MEN1: variants seen among roughly 807,000 people sequenced by gnomAD.
MEN1 encodes menin.
Under a neutral mutation model 58.0 loss-of-function variants are expected in MEN1, and 6 were observed. The observed-to-expected ratio is 0.10, with a 90% CI of 0.06 to 0.20. The LOEUF (loss-of-function observed/expected upper bound fraction) is 0.20. Among genes scored for constraint, MEN1 ranks in the 10% least tolerant of loss-of-function variants. The pLI is 1.00. For missense variants in MEN1, 492 were observed against 818.5 expected (o/e 0.60, Z 4.87); for synonymous variants, 346 against 350.7 (o/e 0.99, Z 0.15).
rs1214571397 is a variant in MEN1, at chr11:64,804,229, A to G, written c.*105T>C. On this transcript the variant is annotated 3_prime_UTR_variant, in exon 10 of 10. Coordinates refer to ENST00000450708, the MANE Select transcript of MEN1 (RefSeq NM_001370259.2). This position sits in a 1 kb window ranked among gnomAD's most constrained non-coding sequence, Gnocchi z 4.2. ...GACCGGGAACCTAGGGTTTGGGTAG[A>G]GGTGAGGCCTGTCCCCTTTGGGCTG... 2 of 1,465,980 alleles carry G rather than the reference A, an allele frequency of 1.4e-6. No individual in the cohort carries two copies. The highest frequency in any genetic ancestry group is 1.9e-6 in the Non-Finnish European group (2 of 1,051,680). 90.8% of individuals were successfully genotyped at this position (1,465,980 alleles called of 1,614,324 possible). A position where few individuals can be genotyped will look rare whatever the true frequency, so the allele number is the denominator to read the frequency against.
intron 1 of MEN1, 22 bp from the exon 2 acceptor site, chr11:64,810,154 GGAGGGTC>G: frequency 7.8e-7 from 1 of 1,288,484 alleles, no homozygotes; most frequent in Non-Finnish European, 1.1e-6. Flanking sequence ...GCCGGGGGAG[GGAGGGTC>G]GGGCAGGTTC....
At chr11:64,809,532 T>G in intron 2 of MEN1, 133 bp downstream of exon 2, 1 of 1,156,568 alleles carries the variant, frequency 8.6e-7, no homozygotes, top group Non-Finnish European at 1.2e-6. Context: ...GGGCTTCAGT[T>G]TCCCAACTGC....
Position 64,810,140 on chromosome 11 carries a change from G to C in MEN1, c.-23-8C>G. 2 of 507,844 alleles carry C rather than the reference G, an allele frequency of 3.9e-6. No individual in the cohort carries two copies. Among genetic ancestry groups the C allele is most frequent in the Non-Finnish European group, 7.1e-6 (2 of 281,798 alleles). 31.5% of individuals were successfully genotyped at this position (507,844 alleles called of 1,614,324 possible). A position where few individuals can be genotyped will look rare whatever the true frequency, so the allele number is the denominator to read the frequency against. On this transcript the variant is annotated splice_region_variant and splice_polypyrimidine_tract_variant and intron_variant, in intron 1 of 9. Transcript: ENST00000450708. ...CGGGCGGTGGGCGGCGGCCTGCAAGGCAAGCCGGGGGAGGGAGGGTCGGGC... is the reference window on the plus strand; with the variant it reads ...CGGGCGGTGGGCGGCGGCCTGCAAGCCAAGCCGGGGGAGGGAGGGTCGGGC...
At chr11:64,808,872 A>G (rs1941923155) in intron 2 of MEN1, among the ~76,000 whole-genome samples, 1 of 151,842 alleles carries the variant, frequency 6.6e-6, no homozygotes, top group African/African-American at 2.4e-5. Context: ...GGAGAATGGC[A>G]TGAAAGCAGG....
chr11:64,810,171 C>T, intron 1 of MEN1, 39 bp from the exon 2 acceptor site: 8 of 1,238,484 alleles, frequency 6.5e-6, no homozygotes, highest in Non-Finnish European at 5.6e-6. Flanking sequence ...CGGGCAGGTT[C>T]GGCCGGGGAG....
intron 8 of MEN1, 74 bp from the exon 9 acceptor site, chr11:64,805,272 C>A: frequency 6.5e-7 from 1 of 1,535,368 alleles, no homozygotes; most frequent in Non-Finnish European, 8.9e-7. Context: ...GCCAGGCCCC[C>A]CACCTAGGCA....
At chr11:64,808,543 C>T (rs1200659757) in intron 2 of MEN1, among the ~76,000 whole-genome samples, 2 of 152,214 alleles carry the variant, frequency 1.3e-5, no homozygotes, top group Admixed American at 1.3e-4. Flanking sequence ...CCTCTGATTC[C>T]TTCTCAATAT....
chr11:64,807,740 A>T lies in MEN1; in HGVS notation c.655-60T>A. The T allele has an allele frequency of 6.2e-7, 1 of 1,613,300 alleles. No homozygotes were observed. Among genetic ancestry groups the T allele is most frequent in the Non-Finnish European group, 8.5e-7 (1 of 1,179,634 alleles). On this transcript the variant is annotated intron_variant, in intron 3 of 9. Transcript: ENST00000450708. This position sits in a 1 kb window ranked among gnomAD's most constrained non-coding sequence, Gnocchi z 4.9. Reference sequence around the variant, plus strand: ...GGCCCACCCTGTGCCTGCTTCAGGGAATGACAGCCAGGAAAAGGGGCTCTT... The same window carrying T: ...GGCCCACCCTGTGCCTGCTTCAGGGTATGACAGCCAGGAAAAGGGGCTCTT...
Position 64,803,878 on chromosome 11 carries a change from G to A in MEN1, c.*456C>T, listed in dbSNP as rs1389958587. The A allele has an allele frequency of 3.9e-6, 1 of 256,372 alleles. No individual in the cohort carries two copies. The highest frequency in any genetic ancestry group is 7.7e-6 in the Non-Finnish European group (1 of 129,770). 15.9% of individuals were successfully genotyped at this position (256,372 alleles called of 1,614,324 possible). ...TTCGCAAGATATGGAATTCTGAAGT[G>A]CGGAAATATACTCCTAGGGGCTGAG... On this transcript the variant is annotated 3_prime_UTR_variant, in exon 10 of 10. Transcript: ENST00000450708.
chr11:64,807,488 C>T lies in MEN1; in HGVS notation c.783+64G>A, dbSNP rs1941811675. On this transcript the variant is annotated intron_variant, in intron 4 of 9. Coordinates refer to ENST00000450708, the MANE Select transcript of MEN1 (RefSeq NM_001370259.2). The surrounding 1 kb of genome is among the most constrained non-coding windows in gnomAD (Gnocchi z 4.9). ...GCTCAGGAAGGGAAAGTGCCCCTGC[C>T]CAGGGTCCCACAGCAAGTCAAGTCT... is the stretch of plus-strand genomic sequence containing the variant. 6.3e-7 allele frequency: 1 copy of T among 1,579,636 alleles called. No homozygotes were observed. The highest frequency in any genetic ancestry group is 8.7e-7 in the Non-Finnish European group (1 of 1,151,410).
At chr11:64,810,304 G>A (rs1011099497) in intron 1 of MEN1, 172 bp from the exon 2 acceptor site, 1 of 602,208 alleles carries the variant, frequency 1.7e-6, no homozygotes, top group Admixed American at 3.0e-5. Flanking sequence ...CCCCTCAGCC[G>A]AGACTGCAGA....
chr11:64,807,640 C>T lies in MEN1; in HGVS notation c.695G>A (p.Arg232His), dbSNP rs1941826992. Reference protein sequence around the residue: ...YLKGSYMRCDRKMEVAFMVCA... With the variant: ...YLKGSYMRCDHKMEVAFMVCA... Reference sequence around the variant, plus strand: ...CACCATGAACGCCACCTCCATCTTGCGGTCACAGCGCATGTATGATCCTTT... The same window carrying T: ...CACCATGAACGCCACCTCCATCTTGTGGTCACAGCGCATGTATGATCCTTT... The change falls in exon 4 of 10, where the codon CGC (arginine) becomes CAC (histidine). Residue 232 changes from arginine (R) to histidine (H), a missense_variant. Arg to His is a conservative substitution (Grantham distance 29, BLOSUM62 0). This residue lies in a region of MEN1 where 335 missense variants were observed against 550.3 expected (regional missense o/e 0.61). Coordinates refer to ENST00000450708, the MANE Select transcript of MEN1 (RefSeq NM_001370259.2). The surrounding 1 kb of genome is among the most constrained non-coding windows in gnomAD (Gnocchi z 4.9). The T allele has an allele frequency of 1.9e-6, 3 of 1,614,158 alleles. No homozygotes were observed. Among genetic ancestry groups the T allele is most frequent in the Middle Eastern group, 1.6e-4 (1 of 6,062 alleles).
rs1565637104 is a variant in MEN1, at chr11:64,804,620, C to T, written c.1547G>A (p.Arg516Gln). ...GCCAGCGACAGTCCCAGGAGGCTTC[C>T]GGGGGGGTCCTGACACTGCACCCTG... ...TGQGAVSGPP[R>Q]KPPGTVAGTA... The change falls in exon 10 of 10, where the codon CGG becomes CAG. Residue 516 changes from arginine to glutamine, a missense_variant. Transcript: ENST00000450708. The surrounding 1 kb of genome is among the most constrained non-coding windows in gnomAD (Gnocchi z 4.2). 2.5e-6 allele frequency: 4 copies of T among 1,607,794 alleles called. No homozygotes were observed. The highest frequency in any genetic ancestry group is 2.2e-5 in the East Asian group (1 of 44,792).
intron 1 of MEN1, 47 bp from the exon 2 acceptor site, chr11:64,810,179 G>A (rs997971815): frequency 3.5e-5 from 43 of 1,226,980 alleles, no homozygotes; most frequent in Admixed American, 3.1e-4. Context: ...TTCGGCCGGG[G>A]AGCCTCCTCC....
In MEN1 at chr11:64,805,102, G is replaced by C; in HGVS notation, c.1282C>G (p.Pro428Ala). 1 of 1,614,160 alleles carries C rather than the reference G, an allele frequency of 6.2e-7. No homozygotes were observed. The highest frequency in any genetic ancestry group is 8.5e-7 in the Non-Finnish European group (1 of 1,180,018). ...CAGCCCACATGCAGCACAGGCGTGG[G>C]ACTGCCCTCCTCCCATTTGCAGATG... ...DGICKWEEGS[P>A]TPVLHVGWAT... is the part of the protein sequence containing the mutation. The change falls in exon 9 of 10, where the codon CCC becomes GCC. Residue 428 changes from proline (P) to alanine (A), a missense_variant. Pro to Ala is a conservative substitution (Grantham distance 27, BLOSUM62 -1). This residue lies in a region of MEN1 where 9 missense variants were observed against 46.4 expected (regional missense o/e 0.19). Coordinates refer to ENST00000450708, the MANE Select transcript of MEN1 (RefSeq NM_001370259.2).
rs1053792293 is a variant in MEN1 at position 64,807,783 on chromosome 11, G to A, written c.655-103C>T. The A allele has an allele frequency of 1.2e-6, 2 of 1,606,368 alleles. No homozygotes were observed. Among genetic ancestry groups the A allele is most frequent in the Non-Finnish European group, 1.7e-6 (2 of 1,174,030 alleles). On this transcript the variant is annotated intron_variant, in intron 3 of 9. Transcript: ENST00000450708. The surrounding 1 kb of genome is among the most constrained non-coding windows in gnomAD (Gnocchi z 4.9). ...GGGCTCTTCTGTCTTCCCTTCCTAT[G>A]TGGGTGGTGATGGGAAGAAAGGGGT...
At chr11:64,810,176 GGGGAGCCTCCTCCCAGGGTCC>G (rs1285404174) in intron 1 of MEN1, 44 bp from the exon 2 acceptor site, 1 of 1,232,218 alleles carries the variant, frequency 8.1e-7, no homozygotes, top group Non-Finnish European at 1.1e-6. Context: ...AGGTTCGGCC[GGGGAGCCTCCTCCCAGGGTCC>G]GCTAAGGTTC....
rs747851909 is a variant in MEN1, at chr11:64,806,338, C to A, written c.943G>T (p.Asp315Tyr). The change falls in exon 7 of 10, where the codon GAT becomes TAT. Residue 315 changes from aspartate (D) to tyrosine (Y), a missense_variant. Asp to Tyr is a radical substitution (Grantham distance 160). Around this residue, in one of 5 missense-constraint regions of MEN1, gnomAD observed 335 missense variants for 550.3 expected, o/e 0.61. Transcript: ENST00000450708. Reference protein sequence around the residue: ...GIASAKTYYRDEHIYPYMYLA... With the variant: ...GIASAKTYYRYEHIYPYMYLA... ...TACATGTAGGGGTAGATGTGTTCAT[C>A]CCGATAGTAGGTCTTGGCTGAGGCA... is the stretch of plus-strand genomic sequence containing the variant. 3 of 1,614,200 alleles carry A rather than the reference C, an allele frequency of 1.9e-6. No homozygotes were observed. The highest frequency in any genetic ancestry group is 2.5e-6 in the Non-Finnish European group (3 of 1,180,008).
rs1555164025 is a variant in MEN1, at chr11:64,804,855, C to T, written c.1351-39G>A. On this transcript the variant is annotated intron_variant, in intron 9 of 9. Coordinates refer to ENST00000450708, the MANE Select transcript of MEN1 (RefSeq NM_001370259.2). This position sits in a 1 kb window ranked among gnomAD's most constrained non-coding sequence, Gnocchi z 4.2. ...GAGAGCAAGGTGAGAGCAAGGTTGC[C>T]GGCCAGTGGCTGGAACTCCAGGACC... 1.0e-5 allele frequency: 16 copies of T among 1,595,232 alleles called. No individual in the cohort carries two copies. Among genetic ancestry groups the T allele is most frequent in the South Asian group, 3.3e-5 (3 of 90,956 alleles).
Sources: allele counts gnomAD v4.1 joint callset (sites outside exome capture counted in the v4.1 genomes callset), GRCh38; gene constraint gnomAD v4.1.1; regional missense constraint gnomAD v4.1.1; non-coding constraint Gnocchi (gnomAD v3.1); transcripts MANE v1.5; gene names NCBI Gene and HGNC (gene_info 2026-07-23, HGNC 2026-07-21).